NBAS: variants seen among roughly 807,000 people sequenced by gnomAD.
The protein encoded by NBAS is NBAS subunit of NRZ tethering complex.
In NBAS, 219 loss-of-function variants were observed where a neutral mutation model predicts 302.5. That is an observed-to-expected ratio of 0.72 (90% CI 0.65 to 0.81). NBAS has a LOEUF of 0.81. Among genes scored for constraint, NBAS ranks in the 30% least tolerant of loss-of-function variants. The probability of loss-of-function intolerance (pLI) is 0.00; values close to 1 mark genes in which losing one functional copy is unlikely to be tolerated. For missense variants in NBAS, 2,932 were observed against 2,841.6 expected, an observed-to-expected ratio of 1.03 and a Z score of -0.72; for synonymous variants, 1,118 against 1,021.6, an observed-to-expected ratio of 1.09 and a Z score of -1.80.
intron 44 of NBAS, among the ~76,000 whole-genome samples, chr2:15,251,997 T>G (rs541651854): frequency 2.6e-5 from 4 of 152,112 alleles, no homozygotes; most frequent in Non-Finnish European, 5.9e-5. Flanking sequence ...AATGACAACA[T>G]GAGGAAGCGC....
At chr2:15,546,721 C>T (rs1664135262) in intron 6 of NBAS, among the ~76,000 whole-genome samples, 1 of 152,176 alleles carries the variant, frequency 6.6e-6, no homozygotes, top group South Asian at 2.1e-4. Flanking sequence ...GAGCCAGACT[C>T]CGTCTGAAAA....
At chr2:14,783,843 G>C in the NBAS span, among the ~76,000 whole-genome samples, 1 of 151,570 alleles carries the variant, frequency 6.6e-6, no homozygotes. Flanking sequence ...CCCAGTAATG[G>C]GATGGCTGGG....
At chr2:14,955,214 T>A in the NBAS span, among the ~76,000 whole-genome samples, 2 of 152,222 alleles carry the variant, frequency 1.3e-5, no homozygotes, top group African/African-American at 4.8e-5. Context: ...TCCGAAATGA[T>A]CTCCTTTGAC....
rs539362044 is a variant in NBAS at position 15,523,403 on chromosome 2, T to C, written c.746+11140A>G. 5.9e-5 allele frequency among the ~76,000 whole-genome samples: 9 copies of C among 152,248 alleles called. No homozygotes were observed. In the South Asian group the frequency reaches 1.9e-3, roughly 32 times the overall value. ...TTTTTTCTTGTCATTCTCTAAACAA[T>C]ACAGTATGACAACTATTTATAGAGC... On this transcript the variant is annotated intron_variant, in intron 9 of 51. Transcript: ENST00000281513.
At chr2:15,352,283 G>C (rs1437735117) in intron 34 of NBAS, among the ~76,000 whole-genome samples, 1 of 152,058 alleles carries the variant, frequency 6.6e-6, no homozygotes, top group African/African-American at 2.4e-5. Flanking sequence ...GATCAAGTGT[G>C]AAAAAAATGA....
At chr2:15,223,412 T>A (rs1262361878) in intron 47 of NBAS, among the ~76,000 whole-genome samples, 2 of 152,168 alleles carry the variant, frequency 1.3e-5, no homozygotes, top group Non-Finnish European at 1.5e-5. Context: ...TTATAACTTT[T>A]ATAATGTAAA....
chr2:15,517,417 G>C (rs2148657122), intron 9 of NBAS, among the ~76,000 whole-genome samples: 1 of 152,092 alleles, frequency 6.6e-6, no homozygotes, highest in Non-Finnish European at 1.5e-5. Flanking sequence ...TATATTGGAA[G>C]GTCACACACC....
At chr2:15,559,448 T>A (rs1664807577) in intron 1 of NBAS, among the ~76,000 whole-genome samples, 1 of 152,200 alleles carries the variant, frequency 6.6e-6, no homozygotes, top group Non-Finnish European at 1.5e-5. Flanking sequence ...CGTGGGTAGG[T>A]TCATGACGCT....
intron 19 of NBAS, among the ~76,000 whole-genome samples, chr2:15,463,424 T>C (rs1177492711): frequency 6.6e-6 from 1 of 152,154 alleles, no homozygotes; most frequent in East Asian, 1.9e-4. Context: ...CCCGACTCTG[T>C]GATCACCGCT....
downstream of NBAS, among the ~76,000 whole-genome samples, chr2:15,166,487 G>T (rs1341021199): frequency 6.6e-6 from 1 of 152,054 alleles, no homozygotes; most frequent in Admixed American, 6.6e-5. Context: ...CTTCAGCTCC[G>T]GCTGTGTATC....
At chr2:15,011,845 C>T in the NBAS span, among the ~76,000 whole-genome samples, 31 of 152,314 alleles carry the variant, frequency 2.0e-4, no homozygotes, top group South Asian at 6.4e-3. Context: ...AGAGACTACA[C>T]TACTGTGTCC....
At chr2:15,385,089 T>G (rs1223434637) in intron 28 of NBAS, among the ~76,000 whole-genome samples, 2 of 152,262 alleles carry the variant, frequency 1.3e-5, no homozygotes, top group Non-Finnish European at 2.9e-5. Context: ...ACAATTACTC[T>G]TGTTCCACAT....
rs749989913 is a variant in NBAS at position 15,232,439 on chromosome 2, G to A, written c.6219C>T (p.His2073=). The A allele has an allele frequency of 5.5e-5, 88 of 1,613,988 alleles. No individual in the cohort carries two copies. The highest frequency in any genetic ancestry group is 1.3e-4 in the East Asian group (6 of 44,892). Residue 2073 remains histidine (H), a synonymous_variant, in exon 47 of 52, where the codon CAC becomes CAT. Transcript: ENST00000281513. ...KVLEGVVAAV[H]ASVDKGEELV... ...AGTCTTACCCCTTGTCCACACTGGC[G>A]TGGACTGCTGCAACAACACCTTCCA... is the stretch of plus-strand genomic sequence containing the variant.
chr2:15,308,390 G>T (rs771059620), intron 39 of NBAS, 37 bp from the exon 40 acceptor site: 1 of 1,608,618 alleles, frequency 6.2e-7, no homozygotes. Context: ...TCAGCTGAAA[G>T]GAAATTATGA....
At chr2:15,242,157 C>T (rs1051001353) in intron 44 of NBAS, among the ~76,000 whole-genome samples, 1 of 152,200 alleles carries the variant, frequency 6.6e-6, no homozygotes, top group Non-Finnish European at 1.5e-5. Context: ...AGCCCTCACA[C>T]TGAAGTCTAT....
chr2:15,256,554 G>A (rs191897478), intron 44 of NBAS, among the ~76,000 whole-genome samples: 3 of 152,090 alleles, frequency 2.0e-5, no homozygotes, highest in East Asian at 3.9e-4. Context: ...TCTCTTGTCT[G>A]ACTGCTCTGG....
intron 25 of NBAS, among the ~76,000 whole-genome samples, chr2:15,413,034 C>A (rs183372541): frequency 3.9e-5 from 6 of 152,318 alleles, no homozygotes; most frequent in East Asian, 3.9e-4. Flanking sequence ...GCACTGCCAG[C>A]GCCAATAAGA....
the NBAS span, among the ~76,000 whole-genome samples, chr2:15,073,791 A>G: frequency 1.3e-5 from 2 of 152,320 alleles, no homozygotes; most frequent in South Asian, 2.1e-4. Context: ...TGATGCAGAT[A>G]ACACCAATAC....
At chr2:15,066,326 GA>G in the NBAS span, among the ~76,000 whole-genome samples, 1 of 152,132 alleles carries the variant, frequency 6.6e-6, no homozygotes, top group African/African-American at 2.4e-5. Flanking sequence ...TCTTGGATTT[GA>G]CACCAAATGC....
Sources: gnomAD v4.1 joint callset for allele counts (sites outside exome capture counted in the v4.1 genomes callset) on GRCh38, gnomAD v4.1.1 for gene constraint, MANE v1.5 for transcripts, NCBI Gene and HGNC (gene_info 2026-07-23, HGNC 2026-07-21) for gene names.